The following ZNF808 variants were observed in gnomAD, a reference collection of about 807,000 sequenced individuals.
ZNF808 encodes zinc finger protein 808.
A neutral mutation model predicts 8.7 loss-of-function variants in ZNF808; 5 were observed. The ratio of observed to expected loss-of-function variants is 0.58; its 90% confidence interval spans 0.30 to 1.21. ZNF808 has a LOEUF of 1.21. Ranked by LOEUF, ZNF808 falls within the 50% of genes most tolerant of loss-of-function variation. The pLI, the probability that ZNF808 is intolerant of heterozygous loss-of-function variation, is 0.07. For synonymous variants in ZNF808, 380 were observed against 366.0 expected, an observed-to-expected ratio of 1.04 and a Z score of -0.44; for missense variants, 1,103 against 1,098.4, an observed-to-expected ratio of 1.00 and a Z score of -0.06.
chr19:52,529,911 A>ATATTT (rs1449062502), intron 1 of ZNF808, among the ~76,000 whole-genome samples: 6 of 81,920 alleles, frequency 7.3e-5, no homozygotes, highest in African/African-American at 3.1e-4. Flanking sequence ...ATATATATAT[A>ATATTT]TTTTTTTTTT....
chr19:52,568,043 C>G (rs1486875629), downstream of ZNF808, among the ~76,000 whole-genome samples: 2 of 152,192 alleles, frequency 1.3e-5, no homozygotes, highest in Non-Finnish European at 2.9e-5. Context: ...CGTGGTCATG[C>G]AACCTGAGTC....
chr19:52,565,283 A>C (rs976622776), downstream of ZNF808, among the ~76,000 whole-genome samples: 4 of 152,158 alleles, frequency 2.6e-5, no homozygotes, highest in African/African-American at 9.7e-5. Flanking sequence ...CATCTGAAAA[A>C]ATAAAAAACA....
At chr19:52,542,076 T>C (rs1033523147) in intron 2 of ZNF808, among the ~76,000 whole-genome samples, 4 of 151,838 alleles carry the variant, frequency 2.6e-5, no homozygotes, top group Non-Finnish European at 5.9e-5. Context: ...GTGAAAAGAG[T>C]GAGAAGATAC....
At chr19:52,559,297 A>C (rs1204897790), downstream of ZNF808, among the ~76,000 whole-genome samples, 5 of 152,166 alleles carry the variant, frequency 3.3e-5, no homozygotes, top group Non-Finnish European at 7.3e-5. Flanking sequence ...GACATGCTGG[A>C]GGCAGTACTG....
chr19:52,553,373 A>G lies in ZNF808; in HGVS notation c.457A>G (p.Lys153Glu). The change falls in exon 5 of 5, where the codon AAA (lysine) becomes GAA (glutamate). Residue 153 changes from lysine (K) to glutamate (E), a missense_variant. Coordinates refer to ENST00000359798, the MANE Select transcript of ZNF808 (RefSeq NM_001039886.4). ...DHRHAGNKPI[K>E]DQLGSSFYSH... is the part of the protein sequence containing the mutation. The stretch of plus-strand genomic sequence containing the variant: ...CAGGCATGCTGGAAACAAGCCTATT[A>G]AAGATCAGCTTGGATCAAGCTTTTA... The G allele has an allele frequency of 1.2e-6, 2 of 1,614,202 alleles. No individual in the cohort carries two copies. Among genetic ancestry groups the G allele is most frequent in the Non-Finnish European group, 1.7e-6 (2 of 1,180,024 alleles).
chr19:52,547,669 G>A (rs779542381), intron 4 of ZNF808, 31 bp downstream of exon 4: 6 of 1,606,920 alleles, frequency 3.7e-6, no homozygotes, highest in East Asian at 4.5e-5. Flanking sequence ...GACATGAGGA[G>A]TCTGCTCCTG....
chr19:52,536,824 G>A (rs1230095026), intron 2 of ZNF808, among the ~76,000 whole-genome samples: 1 of 152,110 alleles, frequency 6.6e-6, no homozygotes, highest in African/African-American at 2.4e-5. Context: ...CAGAGGAGAC[G>A]CAGAGATAAG....
intron 2 of ZNF808, among the ~76,000 whole-genome samples, chr19:52,539,690 A>T (rs538653032): frequency 4.1e-5 from 6 of 146,812 alleles, no homozygotes; most frequent in African/African-American, 1.5e-4. Context: ...AGTAGTTATG[A>T]TTACAGGCAC....
intron 2 of ZNF808, among the ~76,000 whole-genome samples, chr19:52,534,655 C>T (rs141118159): frequency 0.029 from 4,005 of 137,216 alleles, 80 homozygotes; most frequent in South Asian, 0.042. Context: ...TTTGGGAGGC[C>T]GAGGCTGGCG....
intron 4 of ZNF808, among the ~76,000 whole-genome samples, 153 bp from the exon 5 acceptor site, chr19:52,552,954 C>G (rs904601291): frequency 1.3e-5 from 2 of 152,240 alleles, no homozygotes; most frequent in African/African-American, 4.8e-5. Context: ...CCTTTATTTA[C>G]TAAAGAATCT....
chr19:52,552,284 T>G (rs1470377010), intron 4 of ZNF808, among the ~76,000 whole-genome samples: 1 of 152,160 alleles, frequency 6.6e-6, no homozygotes, highest in Non-Finnish European at 1.5e-5. Flanking sequence ...CCCAAAGTGC[T>G]GGGATTACAG....
rs143428918 is a variant in ZNF808 at position 52,551,089 on chromosome 19, T to A, written c.191-2018T>A. Among the ~76,000 whole-genome samples, 52 of 152,248 alleles carry A rather than the reference T, an allele frequency of 3.4e-4. No homozygotes were observed. In the East Asian group the frequency reaches 8.7e-3, roughly 25 times the overall value. ...AAAAAAAATTGGGCATGATGACTCA[T>A]GCCTATAATCCCAAACTTTTGGGAG... On this transcript the variant is annotated intron_variant, in intron 4 of 4. Transcript: ENST00000359798.
At chr19:52,530,436 G>A (rs544419798) in intron 1 of ZNF808, among the ~76,000 whole-genome samples, 49 of 152,152 alleles carry the variant, frequency 3.2e-4, no homozygotes, top group Non-Finnish European at 4.3e-4. Context: ...GACAGAGGTG[G>A]GTGGATCATG....
At chr19:52,528,175 C>T (rs1214650065) in intron 1 of ZNF808, among the ~76,000 whole-genome samples, 1 of 152,156 alleles carries the variant, frequency 6.6e-6, no homozygotes, top group Non-Finnish European at 1.5e-5. Context: ...CCTCCTCCCA[C>T]CTCCCTACTC....
chr19:52,566,752 G>T (rs1388559727), downstream of ZNF808, among the ~76,000 whole-genome samples: 1 of 152,052 alleles, frequency 6.6e-6, no homozygotes, highest in Non-Finnish European at 1.5e-5. Context: ...ATTAAAACTA[G>T]CAACATACAT....
chr19:52,538,109 C>T (rs1191834195), intron 2 of ZNF808, among the ~76,000 whole-genome samples: 2 of 151,828 alleles, frequency 1.3e-5, no homozygotes, highest in Admixed American at 6.6e-5. Flanking sequence ...CTCTTAGGCT[C>T]AAGCGATCCT....
At chr19:52,528,918 A>G (rs185859309) in intron 1 of ZNF808, among the ~76,000 whole-genome samples, 74 of 151,942 alleles carry the variant, frequency 4.9e-4, no homozygotes, top group East Asian at 4.0e-3. Context: ...AGCAGAAGAG[A>G]TGGAAGAGAA....
At chr19:52,558,385 T>C (rs904636107), downstream of ZNF808, among the ~76,000 whole-genome samples, 67 of 145,666 alleles carry the variant, frequency 4.6e-4, no homozygotes, top group African/African-American at 1.5e-3. Flanking sequence ...TTATTTATTT[T>C]TTTTGAGACA....
intron 4 of ZNF808, among the ~76,000 whole-genome samples, chr19:52,552,876 C>G (rs2059791402): frequency 6.6e-6 from 1 of 152,004 alleles, no homozygotes; most frequent in African/African-American, 2.4e-5. Context: ...TATTTGTGCC[C>G]TGTCAGTGTT....
Sources: allele counts gnomAD v4.1 joint callset (sites outside exome capture counted in the v4.1 genomes callset), GRCh38; gene constraint gnomAD v4.1.1; transcripts MANE v1.5; gene names NCBI Gene and HGNC (gene_info 2026-07-23, HGNC 2026-07-21).